The following CRISPLD2 variants were observed in gnomAD, a reference collection of about 807,000 sequenced individuals.
The protein encoded by CRISPLD2 is cysteine-rich secretory protein LCCL domain-containing 2.
CRISPLD2 carries 47 observed loss-of-function variants against 71.1 expected under a neutral mutation model. The observed-to-expected ratio is 0.66, with a 90% CI of 0.52 to 0.84. CRISPLD2 has a LOEUF of 0.84. Among genes scored for constraint, CRISPLD2 ranks in the 40% least tolerant of loss-of-function variants. The pLI is 0.00. For synonymous variants in CRISPLD2, 317 were observed against 250.1 expected, an observed-to-expected ratio of 1.27 and a Z score of -2.52; for missense variants, 830 against 651.1, an observed-to-expected ratio of 1.27 and a Z score of -2.99.
At chr16:84,869,321 G>A (rs540691171) in intron 8 of CRISPLD2, among the ~76,000 whole-genome samples, 60 of 152,334 alleles carry the variant, frequency 3.9e-4, no homozygotes, top group Non-Finnish European at 7.2e-4. Flanking sequence ...AGGTGCAGCC[G>A]CCGCACGCAC....
chr16:84,899,962 G>C (rs990238594), intron 14 of CRISPLD2, among the ~76,000 whole-genome samples: 2 of 152,134 alleles, frequency 1.3e-5, no homozygotes, highest in African/African-American at 4.8e-5. Flanking sequence ...GGTTCTCCCA[G>C]GATATTCACT....
In CRISPLD2 at chr16:84,853,241, C is replaced by T. The variant is rs538655119; in HGVS notation, c.609-1488C>T. On this transcript the variant is annotated intron_variant, in intron 5 of 14. Coordinates refer to ENST00000262424, the MANE Select transcript of CRISPLD2 (RefSeq NM_031476.4). ...CAGGGGCAGTGGGACGTACCCACGA[C>T]AGGGCCACGATCATCTGAGAAACCT... 2.0e-5 allele frequency among the ~76,000 whole-genome samples: 3 copies of T among 152,264 alleles called. No homozygotes were observed. The South Asian group carries it at 6.2e-4, about 32-fold the overall frequency.
chr16:84,846,004 T>A, intron 3 of CRISPLD2, 100 bp downstream of exon 3: 2 of 703,116 alleles, frequency 2.8e-6, no homozygotes, highest in Non-Finnish European at 4.9e-6. Flanking sequence ...GCAAAGAGAG[T>A]GAGAGAGACC....
chr16:84,898,631 T>A (rs1159517957), intron 14 of CRISPLD2, among the ~76,000 whole-genome samples: 1 of 152,160 alleles, frequency 6.6e-6, no homozygotes, highest in Non-Finnish European at 1.5e-5. Flanking sequence ...TGAAACTGTT[T>A]CTTGCATATG....
intron 14 of CRISPLD2, among the ~76,000 whole-genome samples, chr16:84,902,279 G>A (rs1448187440): frequency 6.6e-6 from 1 of 152,040 alleles, no homozygotes; most frequent in Non-Finnish European, 1.5e-5. Flanking sequence ...AGCGAGGGGA[G>A]GTTTTAGAGT....
chr16:84,891,598 C>G (rs1286329209), intron 14 of CRISPLD2, among the ~76,000 whole-genome samples: 1 of 152,114 alleles, frequency 6.6e-6, no homozygotes, highest in Non-Finnish European at 1.5e-5. Context: ...CCCAGGACAT[C>G]AATTTATTGA....
intron 14 of CRISPLD2, among the ~76,000 whole-genome samples, chr16:84,897,501 A>G (rs187979934): frequency 3.2e-4 from 48 of 152,294 alleles, no homozygotes; most frequent in Admixed American, 7.8e-4. Context: ...TAATTTTAAG[A>G]TCTTCATAGC....
At chr16:84,880,852 G>A (rs2071562416) in intron 13 of CRISPLD2, 1 of 241,632 alleles carries the variant, frequency 4.1e-6, no homozygotes, top group Non-Finnish European at 8.0e-6. Flanking sequence ...GTTACACAGT[G>A]CACCACCATG....
Position 84,845,842 on chromosome 16 carries a change from G to C in CRISPLD2, c.297G>C (p.Trp99Cys), listed in dbSNP as rs893338158. The change falls in exon 3 of 15, where the codon TGG becomes TGC. Residue 99 changes from tryptophan to cysteine, a missense_variant. Transcript: ENST00000262424. ...CAGCGTGGGCCAGTCAGTGCATCTG[G>C]GAGCACGGGCCCACCAGTCTGCTGG... The part of the protein sequence containing the change: ...SAAAWASQCI[W>C]EHGPTSLLVS... 6.2e-7 allele frequency: 1 copy of C among 1,613,964 alleles called. No homozygotes were observed. The highest frequency in any genetic ancestry group is 1.3e-5 in the African/African-American group (1 of 74,926).
intron 6 of CRISPLD2, among the ~76,000 whole-genome samples, chr16:84,864,366 G>A (rs1042374572): frequency 4.6e-5 from 7 of 152,258 alleles, no homozygotes; most frequent in Middle Eastern, 3.4e-3. Flanking sequence ...GCTTTAGACC[G>A]CTTTACCAAA....
At chr16:84,870,322 T>G (rs1490534629) in intron 8 of CRISPLD2, among the ~76,000 whole-genome samples, 1 of 145,268 alleles carries the variant, frequency 6.9e-6, no homozygotes, top group Non-Finnish European at 1.5e-5. Flanking sequence ...ATGTATTTTG[T>G]TTTTTTTTTT....
intron 2 of CRISPLD2, chr16:84,841,906 T>C (rs1916781409): frequency 6.5e-6 from 1 of 152,686 alleles, no homozygotes; most frequent in Admixed American, 6.5e-5. Context: ...TGAAACACTT[T>C]TGCTGCTGTG....
chr16:84,904,592 GTAAAAAAAAAAATTTAAAAAAAAAAT>G (rs2071784736), intron 14 of CRISPLD2, among the ~76,000 whole-genome samples: 1 of 146,474 alleles, frequency 6.8e-6, no homozygotes, highest in African/African-American at 2.5e-5. Context: ...TCAAAAAAAG[GTAAAAAAAAAAATTTAAAAAAAAAAT>G]TAAAAAAAAA....
At chr16:84,882,367 A>AG (rs796176012) in intron 13 of CRISPLD2, among the ~76,000 whole-genome samples, 2,035 of 101,498 alleles carry the variant, frequency 0.02, 35 homozygotes, top group African/African-American at 0.067. Context: ...AAAAAAAAAA[A>AG]AAAAGCAAGA....
At chr16:84,823,344 C>T (rs569680955) in intron 1 of CRISPLD2, among the ~76,000 whole-genome samples, 3 of 152,226 alleles carry the variant, frequency 2.0e-5, no homozygotes, top group Admixed American at 6.5e-5. Flanking sequence ...TTTTTGAGGG[C>T]GGATGTTTTC....
chr16:84,880,966 A>C (rs1401095247), intron 13 of CRISPLD2, among the ~76,000 whole-genome samples: 4 of 152,012 alleles, frequency 2.6e-5, no homozygotes, highest in Non-Finnish European at 5.9e-5. Context: ...CTGCCTCCCA[A>C]AGTGCTGGGA....
chr16:84,896,668 G>A (rs535272868), intron 14 of CRISPLD2, among the ~76,000 whole-genome samples: 18 of 152,290 alleles, frequency 1.2e-4, no homozygotes, highest in African/African-American at 4.3e-4. Flanking sequence ...GGTGTATTCA[G>A]TGCATTTCCG....
At chr16:84,843,380 G>A (rs1444033066) in intron 2 of CRISPLD2, among the ~76,000 whole-genome samples, 1 of 152,212 alleles carries the variant, frequency 6.6e-6, no homozygotes, top group Non-Finnish European at 1.5e-5. Flanking sequence ...GTGGCTTCAA[G>A]CCACAGTCCT....
chr16:84,843,479 G>C (rs961819222), intron 2 of CRISPLD2, among the ~76,000 whole-genome samples: 2 of 152,218 alleles, frequency 1.3e-5, no homozygotes, highest in African/African-American at 4.8e-5. Context: ...GACAGGCTCT[G>C]GAGCCAGCCT....
Sources: gnomAD v4.1 joint callset for allele counts (sites outside exome capture counted in the v4.1 genomes callset) on GRCh38, gnomAD v4.1.1 for gene constraint, MANE v1.5 for transcripts, NCBI Gene and HGNC (gene_info 2026-07-23, HGNC 2026-07-21) for gene names.